Variants in TRIM9 observed in about 807,000 individuals in gnomAD.
The protein encoded by TRIM9 is tripartite motif containing 9.
In TRIM9, 26 loss-of-function variants were observed where a neutral mutation model predicts 78.3. The observed-to-expected ratio is 0.33, with a 90% confidence interval of 0.24 to 0.46. TRIM9 has a LOEUF of 0.46. Ranked by LOEUF, TRIM9 falls within the 20% of genes least tolerant of loss-of-function variation. TRIM9 has a pLI of 1.00. For synonymous variants in TRIM9, 398 were observed against 416.5 expected, an observed-to-expected ratio of 0.96 and a Z score of 0.54; for missense variants, 787 against 1,036.4, an observed-to-expected ratio of 0.76 and a Z score of 3.30.
intron 1 of TRIM9, among the ~76,000 whole-genome samples, chr14:51,053,930 G>A (rs2060668907): frequency 6.6e-6 from 1 of 152,174 alleles, no homozygotes; most frequent in Admixed American, 6.5e-5. Context: ...TGGTTTTGCT[G>A]TCTTAAAATC....
chr14:51,009,716 C>T (rs1361756820), intron 4 of TRIM9, among the ~76,000 whole-genome samples: 1 of 152,180 alleles, frequency 6.6e-6, no homozygotes, highest in African/African-American at 2.4e-5. Flanking sequence ...GTGATTATCA[C>T]TGTATTCTTT....
intron 1 of TRIM9, among the ~76,000 whole-genome samples, chr14:51,070,891 TTTTC>T (rs1396265867): frequency 6.6e-6 from 1 of 152,154 alleles, no homozygotes; most frequent in African/African-American, 2.4e-5. Context: ...TTCCTAGACG[TTTTC>T]TTTCTTTCTT....
At chr14:51,027,942 G>T (rs1170551865) in intron 1 of TRIM9, among the ~76,000 whole-genome samples, 1 of 151,956 alleles carries the variant, frequency 6.6e-6, no homozygotes, top group African/African-American at 2.4e-5. Flanking sequence ...TTTCAGTACA[G>T]AAGTAAAATT....
Position 51,094,271 on chromosome 14 carries a change from T to A in TRIM9, c.669A>T (p.Pro223=). Residue 223 remains proline (P), a synonymous_variant, in exon 1 of 13, where the codon CCA becomes CCT. Transcript: ENST00000684578. ...AQGRVSRRLS[P]RKVSTCTDHE... ...GGTCTGTGCAGGTGGAGACCTTGCGTGGGCTCAGCCTCCGGCTCACACGAC... is the reference window on the plus strand; with the variant it reads ...GGTCTGTGCAGGTGGAGACCTTGCGAGGGCTCAGCCTCCGGCTCACACGAC... 6.2e-7 allele frequency: 1 copy of A among 1,614,112 alleles called. No individual in the cohort carries two copies. The highest frequency in any genetic ancestry group is 8.5e-7 in the Non-Finnish European group (1 of 1,180,006).
At position 50,986,021 on chromosome 14, in the gene TRIM9, A is replaced by C; in HGVS notation, c.1727T>G (p.Phe576Cys). 1 of 1,549,664 alleles carries C rather than the reference A, an allele frequency of 6.5e-7. No homozygotes were observed. Among genetic ancestry groups the C allele is most frequent in the South Asian group, 1.2e-5 (1 of 83,852 alleles). ...CTGGTGGGGTGAGGATCGGAAATCA[A>C]AGTAGGATCTCCCGGGGAAGCTGGG... ...LQPSFPGRSY[F>C]DFRSSPHQLS... is the part of the protein sequence containing the mutation. The change falls in exon 8 of 13, where the codon TTT becomes TGT. Residue 576 changes from phenylalanine to cysteine, a missense_variant. By Grantham distance (205) the Phe-to-Cys change is radical. Around this residue, in one of 3 missense-constraint regions of TRIM9, gnomAD observed 421 missense variants for 514.3 expected, o/e 0.82. Coordinates refer to ENST00000684578, the MANE Select transcript of TRIM9 (RefSeq NM_001387360.1).
chr14:51,086,853 G>A (rs1287013081), intron 1 of TRIM9, among the ~76,000 whole-genome samples: 3 of 152,174 alleles, frequency 2.0e-5, no homozygotes, highest in Admixed American at 2.0e-4. Flanking sequence ...TGAGACAGGC[G>A]TGTTGAGGAG....
In TRIM9 at chr14:51,094,200, G is replaced by A; in HGVS notation, c.740C>T (p.Pro247Leu). ...CTCCTCCAAGCACTGGTAGCACACG[G>A]GCATCTTGCATTGCACGCAGTACAT... ...HSMYCVQCKM[P>L]VCYQCLEEGK... Residue 247 changes from proline to leucine, a missense_variant, in exon 1 of 13, where the codon CCC becomes CTC. Pro to Leu is a moderately conservative substitution (Grantham distance 98, BLOSUM62 -3). Coordinates refer to ENST00000684578, the MANE Select transcript of TRIM9 (RefSeq NM_001387360.1). The A allele has an allele frequency of 2.5e-6, 4 of 1,614,240 alleles. No homozygotes were observed. The highest frequency in any genetic ancestry group is 1.7e-5 in the Admixed American group (1 of 60,026).
At chr14:51,031,847 C>T (rs1160318943) in intron 1 of TRIM9, among the ~76,000 whole-genome samples, 1 of 152,168 alleles carries the variant, frequency 6.6e-6, no homozygotes, top group Non-Finnish European at 1.5e-5. Context: ...TGAGGGAGCA[C>T]ATCACCAAGG....
At position 50,982,118 on chromosome 14, in the gene TRIM9, A is replaced by T. The variant is rs1354733538; in HGVS notation, c.1859-15T>A. The T allele has an allele frequency of 3.1e-6, 5 of 1,612,646 alleles. No individual in the cohort carries two copies. Among genetic ancestry groups the T allele is most frequent in the Non-Finnish European group, 4.2e-6 (5 of 1,178,894 alleles). On this transcript the variant is annotated splice_polypyrimidine_tract_variant and intron_variant, in intron 10 of 12. Coordinates refer to ENST00000684578, the MANE Select transcript of TRIM9 (RefSeq NM_001387360.1). ...AAACCAGGCCACTGGGAACAACAGA[A>T]GGGAATCAGGTTATTAAGACAGACC...
intron 1 of TRIM9, among the ~76,000 whole-genome samples, chr14:51,083,623 T>C (rs2063505938): frequency 6.6e-6 from 1 of 150,776 alleles, no homozygotes; most frequent in African/African-American, 2.4e-5. Flanking sequence ...CATTGGTTCC[T>C]ATTCAAAAAG....
intron 5 of TRIM9, among the ~76,000 whole-genome samples, chr14:51,002,152 C>T (rs1005189633): frequency 1.3e-5 from 2 of 152,096 alleles, no homozygotes; most frequent in African/African-American, 2.4e-5. Context: ...GACGCAGTCT[C>T]GCTCTGTCGT....
intron 1 of TRIM9, among the ~76,000 whole-genome samples, chr14:51,071,034 C>T (rs184887117): frequency 1.1e-3 from 168 of 151,974 alleles, no homozygotes; most frequent in Non-Finnish European, 1.9e-3. Flanking sequence ...ATTTACATTT[C>T]GGGGTTTTGG....
At chr14:51,071,097 C>T (rs775527354) in intron 1 of TRIM9, among the ~76,000 whole-genome samples, 6 of 151,986 alleles carry the variant, frequency 3.9e-5, no homozygotes, top group Admixed American at 3.3e-4. Context: ...AAAGTGGAGG[C>T]GGCCAGGCAC....
At chr14:51,043,450 G>A (rs995671621) in intron 1 of TRIM9, among the ~76,000 whole-genome samples, 1 of 152,190 alleles carries the variant, frequency 6.6e-6, no homozygotes, top group Non-Finnish European at 1.5e-5. Context: ...GGCCAGCTGG[G>A]GTAGTGCTGA....
At chr14:51,086,683 C>T (rs1312931713) in intron 1 of TRIM9, among the ~76,000 whole-genome samples, 1 of 152,080 alleles carries the variant, frequency 6.6e-6, no homozygotes, top group African/African-American at 2.4e-5. Context: ...GGTTAGAATA[C>T]AGATATGGAC....
intron 3 of TRIM9, among the ~76,000 whole-genome samples, chr14:51,021,832 C>G (rs776664175): frequency 5.9e-5 from 9 of 152,160 alleles, no homozygotes; most frequent in Non-Finnish European, 1.2e-4. Context: ...TCCTGGAGGA[C>G]CAGTCCTGCC....
At chr14:51,009,365 G>T in intron 4 of TRIM9, 132 bp from the exon 5 acceptor site, 2 of 1,080,558 alleles carry the variant, frequency 1.9e-6, no homozygotes, top group Non-Finnish European at 2.6e-6. Context: ...CCTCAGTGCT[G>T]TTGGTGAGGA....
At chr14:51,037,246 A>G (rs946430175) in intron 1 of TRIM9, among the ~76,000 whole-genome samples, 13 of 152,242 alleles carry the variant, frequency 8.5e-5, no homozygotes, top group African/African-American at 3.1e-4. Context: ...CTAGATATTA[A>G]TACAGAGAGC....
intron 4 of TRIM9, 97 bp downstream of exon 4, chr14:51,010,287 C>A: frequency 1.1e-6 from 1 of 906,154 alleles, no homozygotes; most frequent in Admixed American, 2.1e-5. Flanking sequence ...TTGAGGGACA[C>A]AGGCCCACCC....
Sources: allele counts gnomAD v4.1 joint callset (sites outside exome capture counted in the v4.1 genomes callset), GRCh38; gene constraint gnomAD v4.1.1; regional missense constraint gnomAD v4.1.1; transcripts MANE v1.5; gene names NCBI Gene and HGNC (gene_info 2026-07-23, HGNC 2026-07-21).